Variants in GCH1 observed in about 807,000 individuals in gnomAD.
The protein encoded by GCH1 is GTP cyclohydrolase 1.
A neutral mutation model predicts 25.9 loss-of-function variants in GCH1; 5 were observed. That is an observed-to-expected ratio of 0.19 (90% CI 0.10 to 0.41). The LOEUF is 0.41. Among genes scored for constraint, GCH1 ranks in the 10% least tolerant of loss-of-function variants. GCH1 has a pLI of 1.00. For missense variants in GCH1, 261 were observed against 336.5 expected, an observed-to-expected ratio of 0.78 and a Z score of 1.75; for synonymous variants, 159 against 129.6, an observed-to-expected ratio of 1.23 and a Z score of -1.54.
intron 1 of GCH1, among the ~76,000 whole-genome samples, chr14:54,869,760 G>GT: frequency 6.6e-6 from 1 of 152,322 alleles, no homozygotes; most frequent in East Asian, 1.9e-4. Flanking sequence ...GATTACAGGC[G>GT]TGAGCCACCG....
At position 54,843,699 on chromosome 14, in the gene GCH1, T is replaced by C. The variant is rs1017149326; in HGVS notation, c.*318A>G. The C allele has an allele frequency of 6.2e-7, 1 of 1,609,446 alleles. No individual in the cohort carries two copies. Among genetic ancestry groups the C allele is most frequent in the Non-Finnish European group, 8.5e-7 (1 of 1,178,494 alleles). ...CCTATGCTTATGAGGCAAATTACTG[T>C]ACTATTTGAAAAAAATACACTAATT... is the stretch of plus-strand genomic sequence containing the variant. On this transcript the variant is annotated 3_prime_UTR_variant, in exon 6 of 6. Coordinates refer to ENST00000491895, the MANE Select transcript of GCH1 (RefSeq NM_000161.3).
chr14:54,849,546 G>T (rs1358689849), intron 3 of GCH1, among the ~76,000 whole-genome samples: 2 of 152,058 alleles, frequency 1.3e-5, no homozygotes, highest in Admixed American at 6.6e-5. Flanking sequence ...TATTTTATAA[G>T]TATATACTGC....
At chr14:54,855,813 C>CA (rs1011176339) in intron 3 of GCH1, among the ~76,000 whole-genome samples, 2 of 151,906 alleles carry the variant, frequency 1.3e-5, no homozygotes, top group Admixed American at 6.6e-5. Flanking sequence ...GACTCCATCT[C>CA]AAAAAAACAC....
chr14:54,879,420 CAAAAAAAAAA>C (rs34163543), intron 1 of GCH1, among the ~76,000 whole-genome samples: 5 of 59,904 alleles, frequency 8.3e-5, no homozygotes, highest in South Asian at 1.2e-3. Context: ...GTCCCTGTCT[CAAAAAAAAAA>C]AAAAAAAAAA....
intron 1 of GCH1, among the ~76,000 whole-genome samples, chr14:54,894,576 A>C (rs189749714): frequency 3.2e-4 from 48 of 152,314 alleles, no homozygotes; most frequent in Non-Finnish European, 5.4e-4. Flanking sequence ...TGCTTGCTAT[A>C]GTGAAGTTAT....
chr14:54,866,332 G>A (rs1471403805), intron 1 of GCH1, among the ~76,000 whole-genome samples: 1 of 151,870 alleles, frequency 6.6e-6, no homozygotes, highest in African/African-American at 2.4e-5. Flanking sequence ...ATTGATAATA[G>A]GCAGGTACCC....
At chr14:54,847,910 A>G (rs867700126) in intron 3 of GCH1, among the ~76,000 whole-genome samples, 5 of 152,160 alleles carry the variant, frequency 3.3e-5, no homozygotes, top group South Asian at 2.1e-4. Context: ...ATCAGAGCTT[A>G]AAATTCAAGT....
At chr14:54,871,611 C>T (rs199555087) in intron 1 of GCH1, among the ~76,000 whole-genome samples, 9 of 152,224 alleles carry the variant, frequency 5.9e-5, no homozygotes, top group Non-Finnish European at 1.2e-4. Flanking sequence ...AAAAATTAGA[C>T]GAATGGCTAA....
At chr14:54,858,489 T>G (rs1280513346) in intron 3 of GCH1, among the ~76,000 whole-genome samples, 1 of 152,086 alleles carries the variant, frequency 6.6e-6, no homozygotes, top group Non-Finnish European at 1.5e-5. Flanking sequence ...TTTCACCATG[T>G]TGGTGAGGCT....
At chr14:54,873,246 T>G (rs921598910) in intron 1 of GCH1, among the ~76,000 whole-genome samples, 1 of 152,170 alleles carries the variant, frequency 6.6e-6, no homozygotes, top group South Asian at 2.1e-4. Flanking sequence ...GAATGACTAC[T>G]GGGTACATAA....
intron 2 of GCH1, among the ~76,000 whole-genome samples, chr14:54,864,364 T>C (rs1342368797): frequency 1.3e-5 from 2 of 152,176 alleles, no homozygotes; most frequent in Admixed American, 6.5e-5. Context: ...TGTTTAAAGA[T>C]TATTAATAAA....
intron 1 of GCH1, among the ~76,000 whole-genome samples, chr14:54,893,391 C>A (rs2040447603): frequency 6.6e-6 from 1 of 152,114 alleles, no homozygotes; most frequent in Non-Finnish European, 1.5e-5. Context: ...AAATACTAGA[C>A]TCAAATTACA....
rs2140127337 is a variant in GCH1, at chr14:54,902,470, T to A, written c.194A>T (p.Glu65Val). ...GERPRSEEDN[E>V]LNLPNLAAAY... is the part of the protein sequence containing the mutation. The stretch of plus-strand genomic sequence containing the variant: ...GGCTGCCAGGTTAGGGAGGTTCAGC[T>A]CGTTATCCTCCTCGCTGCGGGGCCG... Residue 65 changes from glutamate (E) to valine (V), a missense_variant, in exon 1 of 6, where the codon GAG becomes GTG. Around this residue, in one of 3 missense-constraint regions of GCH1, gnomAD observed 125 missense variants for 128.7 expected, o/e 0.97. Transcript: ENST00000491895. 1.2e-6 allele frequency: 2 copies of A among 1,612,214 alleles called. No individual in the cohort carries two copies. Among genetic ancestry groups the A allele is most frequent in the Non-Finnish European group, 1.7e-6 (2 of 1,179,604 alleles).
chr14:54,848,988 C>T (rs1192578931), intron 3 of GCH1, among the ~76,000 whole-genome samples: 4 of 152,192 alleles, frequency 2.6e-5, no homozygotes, highest in Non-Finnish European at 4.4e-5. Context: ...TTTTCCTTCT[C>T]GTATTCACCA....
intron 1 of GCH1, among the ~76,000 whole-genome samples, chr14:54,889,500 C>T (rs1484286780): frequency 6.6e-6 from 1 of 152,152 alleles, no homozygotes; most frequent in Non-Finnish European, 1.5e-5. Flanking sequence ...ACAGGAAGAG[C>T]CATGGCCTCT....
At chr14:54,850,305 C>CT (rs763310228) in intron 3 of GCH1, among the ~76,000 whole-genome samples, 5,997 of 117,022 alleles carry the variant, frequency 0.051, 649 homozygotes, top group African/African-American at 0.18. Context: ...TAAGTAGGTT[C>CT]TTTTTTTTTT....
intron 3 of GCH1, among the ~76,000 whole-genome samples, chr14:54,857,155 T>G (rs1006681454): frequency 6.6e-6 from 1 of 152,230 alleles, no homozygotes; most frequent in Non-Finnish European, 1.5e-5. Context: ...GAAAGCAACA[T>G]ACACTTGGTT....
At chr14:54,861,703 A>G (rs2039898960) in intron 2 of GCH1, among the ~76,000 whole-genome samples, 1 of 147,240 alleles carries the variant, frequency 6.8e-6, no homozygotes, top group Non-Finnish European at 1.5e-5. Context: ...AGCCTAGGCA[A>G]CAAGAGCGAA....
intron 1 of GCH1, among the ~76,000 whole-genome samples, chr14:54,886,398 G>A (rs2040352794): frequency 6.6e-6 from 1 of 151,180 alleles, no homozygotes; most frequent in Admixed American, 6.6e-5. Flanking sequence ...GGATCACGAG[G>A]TCAGGAGATT....
Sources: allele counts gnomAD v4.1 joint callset (sites outside exome capture counted in the v4.1 genomes callset), GRCh38; gene constraint gnomAD v4.1.1; regional missense constraint gnomAD v4.1.1; transcripts MANE v1.5; gene names NCBI Gene and HGNC (gene_info 2026-07-23, HGNC 2026-07-21).